Variants in LRBA observed in about 807,000 individuals in gnomAD.
LRBA encodes the protein LPS responsive beige-like anchor protein.
In LRBA, 176 loss-of-function variants were observed where a neutral mutation model predicts 330.0. That is an observed-to-expected ratio of 0.53 (90% CI 0.47 to 0.60). The LOEUF (loss-of-function observed/expected upper bound fraction) is 0.60. LRBA is among the 20% of genes least tolerant of loss of function. The pLI, the probability that LRBA is intolerant of heterozygous loss-of-function variation, is 0.00. For missense variants in LRBA, 3,259 were observed against 3,444.8 expected, an observed-to-expected ratio of 0.95 and a Z score of 1.35; for synonymous variants, 1,230 against 1,193.0, an observed-to-expected ratio of 1.03 and a Z score of -0.64.
chr4:150,535,289 A>T (rs1456645721), intron 40 of LRBA, among the ~76,000 whole-genome samples: 1 of 152,004 alleles, frequency 6.6e-6, no homozygotes, highest in African/African-American at 2.4e-5. Context: ...CCATGCCACT[A>T]TGCTTGGCTA....
chr4:150,276,659 C>T (rs1276174968), intron 56 of LRBA, among the ~76,000 whole-genome samples: 1 of 152,142 alleles, frequency 6.6e-6, no homozygotes, highest in East Asian at 1.9e-4. Context: ...ACGCAGCCAA[C>T]AAACATATGA....
intron 2 of LRBA, among the ~76,000 whole-genome samples, chr4:151,012,410 T>A (rs538375181): frequency 6.6e-6 from 1 of 152,354 alleles, no homozygotes; most frequent in African/African-American, 2.4e-5. Flanking sequence ...CACAAATAAG[T>A]AATTATGGAT....
intron 48 of LRBA, among the ~76,000 whole-genome samples, chr4:150,327,261 A>G (rs936130850): frequency 2.0e-5 from 3 of 152,056 alleles, no homozygotes; most frequent in Admixed American, 2.0e-4. Flanking sequence ...TCTACAAAAA[A>G]TAAAGAAAAT....
intron 37 of LRBA, among the ~76,000 whole-genome samples, chr4:150,666,445 G>C (rs1781563172): frequency 6.6e-6 from 1 of 152,036 alleles, no homozygotes; most frequent in African/African-American, 2.4e-5. Flanking sequence ...CTGGGAGGTG[G>C]AGGTTGCAGT....
intron 51 of LRBA, among the ~76,000 whole-genome samples, chr4:150,311,856 G>A (rs1051093411): frequency 1.3e-5 from 2 of 152,164 alleles, no homozygotes; most frequent in African/African-American, 4.8e-5. Context: ...CAGAGAGACA[G>A]TGTCCACCAA....
intron 40 of LRBA, among the ~76,000 whole-genome samples, chr4:150,534,376 A>T (rs1039129808): frequency 5.4e-5 from 7 of 129,086 alleles, no homozygotes; most frequent in African/African-American, 1.9e-4. Flanking sequence ...TAATAATAAT[A>T]ATTTTTTTTA....
chr4:150,785,687 T>C (rs1288539117), intron 34 of LRBA, among the ~76,000 whole-genome samples: 2 of 152,158 alleles, frequency 1.3e-5, no homozygotes, highest in Non-Finnish European at 2.9e-5. Context: ...AATGAACAAC[T>C]GTTAATGATA....
chr4:150,537,599 T>A (rs1764800941), intron 40 of LRBA, among the ~76,000 whole-genome samples: 1 of 152,168 alleles, frequency 6.6e-6, no homozygotes, highest in Non-Finnish European at 1.5e-5. Flanking sequence ...AAAGGCCTAA[T>A]ATCCAGAATC....
intron 33 of LRBA, 47 bp downstream of exon 33, chr4:150,806,224 T>C: frequency 7.3e-7 from 1 of 1,366,856 alleles, no homozygotes; most frequent in Non-Finnish European, 9.8e-7. Context: ...AAGTTTTTAA[T>C]CCTGAAATAT....
chr4:150,520,756 A>T (rs751103406), intron 40 of LRBA, among the ~76,000 whole-genome samples: 1 of 152,184 alleles, frequency 6.6e-6, no homozygotes, highest in Non-Finnish European at 1.5e-5. Flanking sequence ...GGACACAAAG[A>T]AGGGAACAAG....
intron 37 of LRBA, among the ~76,000 whole-genome samples, chr4:150,669,578 CTT>C (rs567640392): frequency 6.8e-6 from 1 of 146,424 alleles, no homozygotes; most frequent in Non-Finnish European, 1.5e-5. Context: ...AATATTTTCT[CTT>C]TTTTTTTTTC....
intron 40 of LRBA, among the ~76,000 whole-genome samples, chr4:150,501,051 A>T (rs183362197): frequency 6.6e-6 from 1 of 152,332 alleles, no homozygotes. Context: ...TTGCCTTCAG[A>T]CGTAATCTTC....
intron 22 of LRBA, among the ~76,000 whole-genome samples, chr4:150,854,546 G>A (rs542688403): frequency 4.6e-5 from 7 of 152,228 alleles, no homozygotes; most frequent in Admixed American, 2.6e-4. Context: ...ATAAACACAC[G>A]AATATGTAAG....
Position 150,350,081 on chromosome 4 carries a change from C to T in LRBA, c.7273G>A (p.Glu2425Lys), listed in dbSNP as rs1736932161. The change falls in exon 48 of 57, where the codon GAA becomes AAA. Residue 2425 changes from glutamate (E) to lysine (K), a missense_variant. Coordinates refer to ENST00000651943, the MANE Select transcript of LRBA (RefSeq NM_001364905.1). ...LIFGYKQQGP[E>K]AVRALNVFYY... ...AACACATTGAGGGCTCGGACAGCTT[C>T]TGGTCCTTGCTGTTTATAGCCAAAA... The T allele has an allele frequency of 2.5e-6, 4 of 1,608,904 alleles. No individual in the cohort carries two copies. Among genetic ancestry groups the T allele is most frequent in the Non-Finnish European group, 3.4e-6 (4 of 1,178,450 alleles).
At chr4:150,569,941 G>A (rs1769628656) in intron 40 of LRBA, among the ~76,000 whole-genome samples, 1 of 151,940 alleles carries the variant, frequency 6.6e-6, no homozygotes, top group Non-Finnish European at 1.5e-5. Flanking sequence ...ACATTAAATC[G>A]CACACCAGAA....
chr4:150,588,054 G>T lies in LRBA; in HGVS notation c.6324C>A (p.Asp2108Glu), dbSNP rs375803883. The T allele has an allele frequency of 1.9e-6, 3 of 1,611,778 alleles. No individual in the cohort carries two copies. Among genetic ancestry groups the T allele is most frequent in the African/African-American group, 2.7e-5 (2 of 74,818 alleles). The part of the protein sequence containing the change: ...DEEDPNFKKI[D>E]PKILAYTEGL... Reference sequence around the variant, plus strand: ...AACCCCTTCATCTTCTCACCTTGGGGTCGATTTTTTTGAAGTTAGGATCCT... The same window carrying T: ...AACCCCTTCATCTTCTCACCTTGGGTTCGATTTTTTTGAAGTTAGGATCCT... The change falls in exon 40 of 57, where the codon GAC becomes GAA. Residue 2108 changes from aspartate to glutamate, a missense_variant. Transcript: ENST00000651943.
At chr4:150,344,395 C>T (rs757282967) in intron 48 of LRBA, among the ~76,000 whole-genome samples, 3 of 152,186 alleles carry the variant, frequency 2.0e-5, no homozygotes, top group African/African-American at 4.8e-5. Flanking sequence ...CAATCCTCTA[C>T]TTTCTAAGCT....
At chr4:150,412,999 T>C (rs928559984) in intron 47 of LRBA, among the ~76,000 whole-genome samples, 3 of 151,856 alleles carry the variant, frequency 2.0e-5, no homozygotes, top group African/African-American at 4.8e-5. Flanking sequence ...CACAAAGATC[T>C]CTTACAATTC....
At chr4:150,753,417 G>A (rs1733825473) in intron 35 of LRBA, among the ~76,000 whole-genome samples, 1 of 152,052 alleles carries the variant, frequency 6.6e-6, no homozygotes. Context: ...TCTTCTCAAA[G>A]GTTATGAGAG....
Sources: allele counts gnomAD v4.1 joint callset (sites outside exome capture counted in the v4.1 genomes callset), GRCh38; gene constraint gnomAD v4.1.1; transcripts MANE v1.5; gene names NCBI Gene and HGNC (gene_info 2026-07-23, HGNC 2026-07-21).